The following NR3C1 variants were observed in gnomAD, a reference collection of about 807,000 sequenced individuals.
NR3C1 encodes glucocorticoid receptor.
In NR3C1, 14 loss-of-function variants were observed where a neutral mutation model predicts 74.0. The ratio of observed to expected loss-of-function variants is 0.19; its 90% confidence interval spans 0.12 to 0.30. NR3C1 has a LOEUF of 0.30. Ranked by LOEUF, NR3C1 falls within the 10% of genes least tolerant of loss-of-function variation. The pLI, the probability that NR3C1 is intolerant of heterozygous loss-of-function variation, is 1.00. For synonymous variants in NR3C1, 308 were observed against 332.5 expected (o/e 0.93, Z 0.80); for missense variants, 695 against 909.8 (o/e 0.76, Z 3.04).
chr5:143,350,350 AG>A (rs1312827373), intron 2 of NR3C1, among the ~76,000 whole-genome samples: 1 of 152,138 alleles, frequency 6.6e-6, no homozygotes, highest in Non-Finnish European at 1.5e-5. Flanking sequence ...AGGGTTTGCG[AG>A]GTATTTATTT....
chr5:143,434,202 A>G (rs1272686757), intron 1 of NR3C1, among the ~76,000 whole-genome samples: 1 of 152,122 alleles, frequency 6.6e-6, no homozygotes, highest in Non-Finnish European at 1.5e-5. Flanking sequence ...CATTATATAT[A>G]TTTTAAAACG....
rs755050007 is a variant in NR3C1 at position 143,400,493 on chromosome 5, T to TC, written c.346dup (p.Glu116GlyfsTer16). The TC allele has an allele frequency of 6.2e-7, 1 of 1,614,204 alleles. No individual in the cohort carries two copies. The highest frequency in any genetic ancestry group is 8.5e-7 in the Non-Finnish European group (1 of 1,180,038). On this transcript the variant is annotated frameshift_variant, in exon 2 of 9. Transcript: ENST00000394464. LOFTEE classifies it high-confidence loss of function. ...TTCTTCCAAAAGCTTTAAGTCTGTT[T>TC]CCCCCGAGGAAAGGCTGATTTGGCC...
chr5:143,407,394 T>A (rs1841150625), upstream of NR3C1: 1 of 152,250 alleles, frequency 6.6e-6, no homozygotes, highest in African/African-American at 2.4e-5. Flanking sequence ...CCACTTTTTT[T>A]TAAAATAAAC....
At position 143,399,641 on chromosome 5, in the gene NR3C1, A is replaced by G; in HGVS notation, c.1184+15T>C. On this transcript the variant is annotated intron_variant, in intron 2 of 8. Transcript: ENST00000394464. The stretch of plus-strand genomic sequence containing the variant: ...AATGTACCATTCTTAAGAAACAGAA[A>G]AACACTGATCTTACCTTGAATAGCC... 2 of 1,561,190 alleles carry G rather than the reference A, an allele frequency of 1.3e-6. No homozygotes were observed. The highest frequency in any genetic ancestry group is 1.8e-6 in the Non-Finnish European group (2 of 1,131,766).
chr5:143,322,522 T>C (rs1823603804), intron 2 of NR3C1, among the ~76,000 whole-genome samples: 1 of 152,202 alleles, frequency 6.6e-6, no homozygotes, highest in Non-Finnish European at 1.5e-5. Flanking sequence ...CCAGACTAGG[T>C]CAAATAGGTA....
At chr5:143,435,475 C>T (rs60488856) in exon 1 of NR3C1, 47 of 985,012 alleles carry the variant, frequency 4.8e-5, no homozygotes, top group East Asian at 1.1e-4. Flanking sequence ...GGAAGAGGTA[C>T]CTTTTGAATG....
intron 2 of NR3C1, among the ~76,000 whole-genome samples, chr5:143,392,970 T>G (rs1335564730): frequency 6.6e-6 from 1 of 152,200 alleles, no homozygotes; most frequent in Non-Finnish European, 1.5e-5. Flanking sequence ...ATTAAGTGTT[T>G]TGTGATCTTT....
At chr5:143,299,016 T>TG (rs1475384294) in intron 5 of NR3C1, among the ~76,000 whole-genome samples, 3 of 147,624 alleles carry the variant, frequency 2.0e-5, no homozygotes, top group South Asian at 2.1e-4. Context: ...TTTTTTTTTT[T>TG]TTTTTTTTTT....
At chr5:143,352,449 C>T (rs995944758) in intron 2 of NR3C1, among the ~76,000 whole-genome samples, 2 of 152,028 alleles carry the variant, frequency 1.3e-5, no homozygotes, top group African/African-American at 4.8e-5. Flanking sequence ...TTATCATGTT[C>T]TTCAGTTAGA....
intron 2 of NR3C1, among the ~76,000 whole-genome samples, chr5:143,334,130 C>T (rs969356898): frequency 6.6e-5 from 10 of 152,210 alleles, no homozygotes; most frequent in African/African-American, 2.2e-4. Context: ...GCCTGTAATC[C>T]CAACACTTTG....
intron 2 of NR3C1, among the ~76,000 whole-genome samples, chr5:143,372,387 G>T (rs1238153603): frequency 6.6e-6 from 1 of 152,184 alleles, no homozygotes; most frequent in African/African-American, 2.4e-5. Flanking sequence ...AACCTGGATG[G>T]CTACCAAGTG....
chr5:143,325,211 G>T (rs937844557), intron 2 of NR3C1, among the ~76,000 whole-genome samples: 1 of 152,204 alleles, frequency 6.6e-6, no homozygotes, highest in Non-Finnish European at 1.5e-5. Context: ...ATTGGACTTA[G>T]AGTTCCACAG....
chr5:143,319,599 T>G (rs927720555), intron 2 of NR3C1, among the ~76,000 whole-genome samples: 5 of 152,112 alleles, frequency 3.3e-5, no homozygotes, highest in Non-Finnish European at 5.9e-5. Flanking sequence ...TAGGAGACAT[T>G]TGGCAGTGTC....
intron 2 of NR3C1, among the ~76,000 whole-genome samples, chr5:143,374,035 TGATA>T (rs1423549521): frequency 2.0e-5 from 3 of 152,234 alleles, no homozygotes; most frequent in Non-Finnish European, 4.4e-5. Context: ...GCCATTTTAT[TGATA>T]TATAAAGTAT....
At chr5:143,299,000 CTT>C (rs1491203055) in intron 5 of NR3C1, among the ~76,000 whole-genome samples, 188 bp from the exon 6 acceptor site, 2 of 134,246 alleles carry the variant, frequency 1.5e-5, no homozygotes, top group Admixed American at 7.7e-5. Flanking sequence ...CACAAACCCT[CTT>C]GTGTTTTTTT....
At chr5:143,381,366 C>T (rs1026397455) in intron 2 of NR3C1, among the ~76,000 whole-genome samples, 14 of 151,978 alleles carry the variant, frequency 9.2e-5, no homozygotes, top group African/African-American at 3.1e-4. Context: ...CCATACTACC[C>T]AAAGCAATCT....
chr5:143,320,299 A>T (rs1002423838), intron 2 of NR3C1, among the ~76,000 whole-genome samples: 1 of 152,210 alleles, frequency 6.6e-6, no homozygotes, highest in African/African-American at 2.4e-5. Context: ...AGAAAGACTG[A>T]TTATTCTCTT....
At chr5:143,405,122 T>G, upstream of NR3C1, 3 of 985,592 alleles carry the variant, frequency 3.0e-6, no homozygotes, top group Non-Finnish European at 3.6e-6. Context: ...CGGGAAGGCT[T>G]GGACGATGCC....
chr5:143,309,571 G>A (rs1332134168), intron 4 of NR3C1, among the ~76,000 whole-genome samples: 1 of 151,930 alleles, frequency 6.6e-6, no homozygotes, highest in Non-Finnish European at 1.5e-5. Context: ...ACTGCACCCG[G>A]CCCAGGTTTC....
Sources: allele counts gnomAD v4.1 joint callset (sites outside exome capture counted in the v4.1 genomes callset), GRCh38; gene constraint gnomAD v4.1.1; transcripts MANE v1.5; gene names NCBI Gene and HGNC (gene_info 2026-07-23, HGNC 2026-07-21).